The following LUC7L2 variants were observed in gnomAD, a reference collection of about 807,000 sequenced individuals.
LUC7L2 encodes LUC7 like 2, pre-mRNA splicing factor.
In LUC7L2, 25 loss-of-function variants were observed where a neutral mutation model predicts 52.8. That is an observed-to-expected ratio of 0.47 (90% CI 0.34 to 0.66). The LOEUF (loss-of-function observed/expected upper bound fraction) is 0.66, where lower values mean the gene tolerates loss of function less well. Among genes scored for constraint, LUC7L2 ranks in the 30% least tolerant of loss-of-function variants. The pLI is 0.01. For missense variants in LUC7L2, 328 were observed against 497.8 expected, an observed-to-expected ratio of 0.66 and a Z score of 3.25; for synonymous variants, 144 against 160.9, an observed-to-expected ratio of 0.89 and a Z score of 0.80.
intron 1 of LUC7L2, among the ~76,000 whole-genome samples, chr7:139,350,221 A>C (rs1799407412): frequency 6.6e-6 from 1 of 151,902 alleles, no homozygotes; most frequent in African/African-American, 2.4e-5. Flanking sequence ...TCCCGGGTTC[A>C]CGCCATTCTC....
At chr7:139,371,340 A>G in intron 1 of LUC7L2, 1 of 750,336 alleles carries the variant, frequency 1.3e-6, no homozygotes, top group Non-Finnish European at 2.4e-6. Context: ...ACAAACTTTA[A>G]GGTTCTTTTG....
chr7:139,418,756 T>C (rs745891680), intron 9 of LUC7L2, among the ~76,000 whole-genome samples: 11 of 152,248 alleles, frequency 7.2e-5, no homozygotes, highest in Non-Finnish European at 1.6e-4. Context: ...TGTTTTACTG[T>C]ACTAGACTTA....
intron 1 of LUC7L2, among the ~76,000 whole-genome samples, chr7:139,372,373 C>A (rs1800496224): frequency 6.6e-6 from 1 of 152,132 alleles, no homozygotes; most frequent in African/African-American, 2.4e-5. Flanking sequence ...TTGCCAAAGC[C>A]AGATATGGTT....
In LUC7L2 at chr7:139,407,288, C is replaced by A; in HGVS notation, c.625C>A (p.His209Asn). 6.2e-7 allele frequency: 1 copy of A among 1,609,214 alleles called. No individual in the cohort carries two copies. Among genetic ancestry groups the A allele is most frequent in the South Asian group, 1.1e-5 (1 of 90,362 alleles). Reference sequence around the variant, plus strand: ...TGATAATGACAGACGACTGGCTGATCATTTTGGGGGTAAACTGCACCTGGG... The same window carrying A: ...TGATAATGACAGACGACTGGCTGATAATTTTGGGGGTAAACTGCACCTGGG... Reference protein sequence around the residue: ...LHDNDRRLADHFGGKLHLGFI... With the variant: ...LHDNDRRLADNFGGKLHLGFI... Residue 209 changes from histidine to asparagine, a missense_variant, in exon 6 of 10, where the codon CAT becomes AAT. Physicochemically the swap from His to Asn is moderately conservative, Grantham distance 68. Coordinates refer to ENST00000354926, the MANE Select transcript of LUC7L2 (RefSeq NM_016019.5).
At position 139,422,897 on chromosome 7, in the gene LUC7L2, T is replaced by G; in HGVS notation, c.*557T>G. 1 of 399,006 alleles carries G rather than the reference T, an allele frequency of 2.5e-6. No individual in the cohort carries two copies. Among genetic ancestry groups the G allele is most frequent in the Non-Finnish European group, 4.4e-6 (1 of 226,038 alleles). 24.7% of individuals were successfully genotyped at this position (399,006 alleles called of 1,614,324 possible). On this transcript the variant is annotated 3_prime_UTR_variant, in exon 10 of 10. Coordinates refer to ENST00000354926, the MANE Select transcript of LUC7L2 (RefSeq NM_016019.5). ...GGAGAAATTTAAAATACTGGGGTTT[T>G]TTGTTTAATGGTGCCTATTTAGAGT...
intron 2 of LUC7L2, among the ~76,000 whole-genome samples, chr7:139,383,518 T>C (rs569781151): frequency 1.0e-3 from 156 of 152,010 alleles, no homozygotes; most frequent in African/African-American, 3.6e-3. Flanking sequence ...CTCAAGCAAT[T>C]CTCCTGCCTC....
intron 1 of LUC7L2, among the ~76,000 whole-genome samples, chr7:139,353,292 C>T (rs1799508256): frequency 6.6e-6 from 1 of 152,180 alleles, no homozygotes; most frequent in Non-Finnish European, 1.5e-5. Flanking sequence ...CCTTTATTTA[C>T]CATATTTAGT....
At chr7:139,380,169 ACT>A (rs1800925088) in intron 2 of LUC7L2, among the ~76,000 whole-genome samples, 1 of 152,130 alleles carries the variant, frequency 6.6e-6, no homozygotes. Flanking sequence ...ACAGAGCAAG[ACT>A]CTGTCTCAAA....
intron 1 of LUC7L2, among the ~76,000 whole-genome samples, chr7:139,372,166 T>G (rs775523139): frequency 1.1e-4 from 17 of 152,148 alleles, no homozygotes; most frequent in Non-Finnish European, 5.9e-5. Flanking sequence ...GACAGAGAGA[T>G]CTCCATGTTT....
intron 2 of LUC7L2, among the ~76,000 whole-genome samples, chr7:139,388,398 G>A (rs570393353): frequency 2.0e-5 from 3 of 152,174 alleles, no homozygotes; most frequent in African/African-American, 7.2e-5. Context: ...GGAAGAGGCA[G>A]TTAAGAAATT....
upstream of LUC7L2, among the ~76,000 whole-genome samples, chr7:139,358,164 G>T (rs913571169): frequency 5.3e-5 from 8 of 151,552 alleles, no homozygotes; most frequent in Non-Finnish European, 1.2e-4. Flanking sequence ...GCGCATCCAT[G>T]CCCGGCTAAT....
chr7:139,405,461 G>T (rs1164371359), intron 4 of LUC7L2, among the ~76,000 whole-genome samples, 183 bp from the exon 5 acceptor site: 1 of 152,198 alleles, frequency 6.6e-6, no homozygotes, highest in South Asian at 2.1e-4. Context: ...CTTCATTGAG[G>T]TAAGGCAGGC....
At chr7:139,342,984 A>G (rs1799073136) in intron 1 of LUC7L2, among the ~76,000 whole-genome samples, 1 of 152,174 alleles carries the variant, frequency 6.6e-6, no homozygotes. Flanking sequence ...CCCTCCGGAG[A>G]AGGGATTCTA....
intron 2 of LUC7L2, chr7:139,392,644 A>T (rs959157718): frequency 1.1e-4 from 21 of 196,972 alleles, no homozygotes; most frequent in Non-Finnish European, 1.1e-5. Context: ...AAGGAATTTA[A>T]TTATGAAGTA....
chr7:139,420,299 G>GT (rs1271811337), intron 9 of LUC7L2, among the ~76,000 whole-genome samples: 2 of 152,208 alleles, frequency 1.3e-5, no homozygotes, highest in African/African-American at 4.8e-5. Flanking sequence ...TGCCTTGCGG[G>GT]TTCAAGCGAT....
At chr7:139,375,895 T>A (rs1800681908) in intron 1 of LUC7L2, 167 bp from the exon 2 acceptor site, 1 of 633,714 alleles carries the variant, frequency 1.6e-6, no homozygotes, top group Non-Finnish European at 2.6e-6. Context: ...CAACTGCATG[T>A]TGTCTAAAAT....
intron 1 of LUC7L2, chr7:139,340,728 G>A (rs1283202836): frequency 5.2e-6 from 2 of 384,502 alleles, no homozygotes; most frequent in Admixed American, 4.5e-5. Flanking sequence ...ATAAGGCATT[G>A]GCCTCCTAAG....
rs141957166 is a variant in LUC7L2, at chr7:139,381,162, A to G, written c.156+5006A>G. 3.3e-5 allele frequency among the ~76,000 whole-genome samples: 5 copies of G among 152,200 alleles called. No homozygotes were observed. In the South Asian group the frequency reaches 1.0e-3, roughly 32 times the overall value. ...CTGTTAAATGTCTCAATAAAAAAAA[A>G]CCACAGTATTCTATACCATTTAGGA... On this transcript the variant is annotated intron_variant, in intron 2 of 9. Coordinates refer to ENST00000354926, the MANE Select transcript of LUC7L2 (RefSeq NM_016019.5).
intron 5 of LUC7L2, among the ~76,000 whole-genome samples, chr7:139,406,313 A>G (rs532459729): frequency 2.1e-4 from 32 of 150,314 alleles, no homozygotes; most frequent in African/African-American, 6.9e-4. Flanking sequence ...CGGCCTCCCA[A>G]AGTGCTAGGA....
Sources: allele counts gnomAD v4.1 joint callset (sites outside exome capture counted in the v4.1 genomes callset), GRCh38; gene constraint gnomAD v4.1.1; transcripts MANE v1.5; gene names NCBI Gene and HGNC (gene_info 2026-07-23, HGNC 2026-07-21).